The following ZRANB3 variants were observed in gnomAD, a reference collection of about 807,000 sequenced individuals.
ZRANB3 encodes DNA annealing helicase and endonuclease ZRANB3.
ZRANB3 carries 125 observed loss-of-function variants against 133.8 expected under a neutral mutation model. The observed-to-expected ratio is 0.93, with a 90% CI of 0.81 to 1.08. ZRANB3 has a LOEUF of 1.08. Among genes scored for constraint, ZRANB3 ranks in the 50% least tolerant of loss-of-function variants. ZRANB3 has a pLI of 0.00. For missense variants in ZRANB3, 1,229 were observed against 1,275.5 expected, an observed-to-expected ratio of 0.96 and a Z score of 0.56; for synonymous variants, 387 against 432.7, an observed-to-expected ratio of 0.89 and a Z score of 1.31.
chr2:135,231,092 A>AAT (rs1217439036), intron 12 of ZRANB3, 165 bp from the exon 13 acceptor site: 3 of 464,034 alleles, frequency 6.5e-6, no homozygotes, highest in African/African-American at 2.0e-5. Flanking sequence ...TACATATATA[A>AAT]ATATATATAT....
chr2:135,491,897 G>A (rs1023533116), intron 2 of ZRANB3, among the ~76,000 whole-genome samples: 4 of 152,096 alleles, frequency 2.6e-5, no homozygotes, highest in Non-Finnish European at 4.4e-5. Context: ...AATTGATATC[G>A]TGCTCAGAAA....
intron 3 of ZRANB3, among the ~76,000 whole-genome samples, chr2:135,362,347 G>C (rs1184125956): frequency 1.3e-5 from 2 of 152,166 alleles, no homozygotes. Context: ...TCTATGCTTT[G>C]GGAACTGTGC....
At chr2:135,500,386 T>C (rs1479717419) in intron 2 of ZRANB3, among the ~76,000 whole-genome samples, 1 of 152,098 alleles carries the variant, frequency 6.6e-6, no homozygotes, top group Non-Finnish European at 1.5e-5. Context: ...AAATGCTCCA[T>C]AGTAGAATGA....
chr2:135,433,837 T>TA (rs34672992), intron 2 of ZRANB3, among the ~76,000 whole-genome samples: 12 of 149,796 alleles, frequency 8.0e-5, no homozygotes, highest in East Asian at 4.0e-4. Flanking sequence ...TCTACTAAAA[T>TA]AAAAAAAAAA....
intron 2 of ZRANB3, among the ~76,000 whole-genome samples, chr2:135,405,471 T>C (rs1331370942): frequency 6.6e-6 from 1 of 152,190 alleles, no homozygotes; most frequent in African/African-American, 2.4e-5. Context: ...CAAGCGGACC[T>C]AATAGACATC....
intron 3 of ZRANB3, among the ~76,000 whole-genome samples, chr2:135,376,522 T>A (rs1419357286): frequency 6.6e-6 from 1 of 152,218 alleles, no homozygotes; most frequent in Non-Finnish European, 1.5e-5. Flanking sequence ...AAGAAAAGGC[T>A]ATCAAGCTAC....
In ZRANB3 at chr2:135,275,786, T is replaced by C. The variant is rs571733867; in HGVS notation, c.967-31A>G. 373 of 1,447,438 alleles carry C rather than the reference T, an allele frequency of 2.6e-4. 7 individuals are homozygous for C. In the South Asian group the frequency reaches 5.3e-3, roughly 21 times the overall value. The allele number at this position is 1,447,438 out of a possible 1,614,324, so 89.7% of individuals were successfully genotyped here. A position where few individuals can be genotyped will look rare whatever the true frequency, so the allele number is the denominator to read the frequency against. ...TATTAAAAGGTAAACCTTATTAGTG[T>C]CATAAAAATGATTATTTAAAATTTA... On this transcript the variant is annotated intron_variant, in intron 8 of 20. Transcript: ENST00000264159.
At chr2:135,272,413 G>GTTTTTTTTTTTT (rs1558877433) in intron 9 of ZRANB3, among the ~76,000 whole-genome samples, 4 of 109,904 alleles carry the variant, frequency 3.6e-5, no homozygotes, top group African/African-American at 2.3e-4. Context: ...GGAAAATAGA[G>GTTTTTTTTTTTT]CTTTTTTTTT....
At chr2:135,307,700 G>A (rs1211196150) in intron 8 of ZRANB3, among the ~76,000 whole-genome samples, 2 of 152,020 alleles carry the variant, frequency 1.3e-5, no homozygotes, top group South Asian at 2.1e-4. Flanking sequence ...TAGAAGGATA[G>A]TACAGACTGA....
intron 1 of ZRANB3, among the ~76,000 whole-genome samples, chr2:135,525,894 T>C (rs1177622542): frequency 6.7e-6 from 1 of 148,446 alleles, no homozygotes; most frequent in Non-Finnish European, 1.5e-5. Flanking sequence ...TCTGCACAGA[T>C]GAACCTTGAA....
chr2:135,486,308 G>T (rs1269924954), intron 2 of ZRANB3, among the ~76,000 whole-genome samples: 1 of 152,046 alleles, frequency 6.6e-6, no homozygotes, highest in Non-Finnish European at 1.5e-5. Flanking sequence ...TTAATTTTTT[G>T]TTGTCACTTC....
At chr2:135,492,516 T>C (rs1692435575) in intron 2 of ZRANB3, among the ~76,000 whole-genome samples, 1 of 152,180 alleles carries the variant, frequency 6.6e-6, no homozygotes, top group Non-Finnish European at 1.5e-5. Context: ...AGGTGTCTGC[T>C]CCCAGTACTA....
chr2:135,343,592 T>TAAA (rs1301386639), intron 6 of ZRANB3, among the ~76,000 whole-genome samples: 1 of 144,552 alleles, frequency 6.9e-6, no homozygotes, highest in Non-Finnish European at 1.5e-5. Context: ...AAAGGAATTA[T>TAAA]AAAAAAAAAA....
intron 2 of ZRANB3, among the ~76,000 whole-genome samples, chr2:135,442,551 T>C (rs903716520): frequency 2.6e-5 from 4 of 152,114 alleles, no homozygotes; most frequent in Non-Finnish European, 5.9e-5. Flanking sequence ...AAACAACACA[T>C]GCTGGAGAGG....
chr2:135,426,412 T>C (rs1331497090), intron 2 of ZRANB3, among the ~76,000 whole-genome samples: 1 of 152,050 alleles, frequency 6.6e-6, no homozygotes, highest in Non-Finnish European at 1.5e-5. Flanking sequence ...CAGGCCAATA[T>C]CCTTGATGTG....
chr2:135,381,135 T>C (rs1043608815), intron 3 of ZRANB3, among the ~76,000 whole-genome samples: 2 of 152,048 alleles, frequency 1.3e-5, no homozygotes, highest in Admixed American at 1.3e-4. Flanking sequence ...ACCTGGAAAA[T>C]TGGGTCACTC....
At chr2:135,518,947 A>T (rs1693808696) in intron 1 of ZRANB3, among the ~76,000 whole-genome samples, 1 of 152,150 alleles carries the variant, frequency 6.6e-6, no homozygotes, top group Non-Finnish European at 1.5e-5. Context: ...AGGAGGGAGA[A>T]TTTGGAGCTG....
chr2:135,351,268 T>TC (rs1685193497), intron 4 of ZRANB3, among the ~76,000 whole-genome samples: 1 of 145,686 alleles, frequency 6.9e-6, no homozygotes, highest in Non-Finnish European at 1.5e-5. Context: ...TAATTTTCTT[T>TC]TTTTTTTTTT....
In ZRANB3 at chr2:135,515,120, G is replaced by A. The variant is rs183895635; in HGVS notation, c.-7-10624C>T. 2.6e-3 allele frequency among the ~76,000 whole-genome samples: 400 copies of A among 152,192 alleles called. 5 individuals are homozygous for A. In the South Asian group the frequency reaches 0.029, roughly 11 times the overall value. On this transcript the variant is annotated intron_variant, in intron 1 of 20. Transcript: ENST00000264159. ...ATCTTTTTTTGTTGTGTCTCTGCCA[G>A]GTTTTGGTATCAGCATGATGCTAGC...
Sources: gnomAD v4.1 joint callset for allele counts (sites outside exome capture counted in the v4.1 genomes callset) on GRCh38, gnomAD v4.1.1 for gene constraint, MANE v1.5 for transcripts, NCBI Gene and HGNC (gene_info 2026-07-23, HGNC 2026-07-21) for gene names.